Variants in RASSF4 observed in about 807,000 individuals in gnomAD.
The protein encoded by RASSF4 is ras association domain-containing protein 4.
In RASSF4, 38 loss-of-function variants were observed where a neutral mutation model predicts 41.1. That is an observed-to-expected ratio of 0.92 (90% CI 0.71 to 1.21). RASSF4 has a LOEUF of 1.21. Ranked by LOEUF, RASSF4 falls within the 50% of genes most tolerant of loss-of-function variation. RASSF4 has a pLI of 0.00. For synonymous variants in RASSF4, 179 were observed against 163.4 expected (o/e 1.10, Z -0.73); for missense variants, 414 against 419.4 (o/e 0.99, Z 0.11).
chr10:44,986,830 C>T (rs1473572911), intron 6 of RASSF4, among the ~76,000 whole-genome samples: 1 of 152,264 alleles, frequency 6.6e-6, no homozygotes, highest in East Asian at 1.9e-4. Context: ...TTCACTCAGT[C>T]ATTTTCCAAA....
intron 6 of RASSF4, among the ~76,000 whole-genome samples, chr10:44,988,433 T>C (rs1032865310): frequency 1.3e-5 from 2 of 152,170 alleles, no homozygotes; most frequent in African/African-American, 2.4e-5. Flanking sequence ...AAAGGCAAGA[T>C]ACCTGCAAAA....
At chr10:44,976,879 G>A (rs903129783) in intron 3 of RASSF4, 2 of 153,106 alleles carry the variant, frequency 1.3e-5, no homozygotes, top group Non-Finnish European at 2.9e-5. Context: ...GACTCCATGT[G>A]TTCTCTTGGG....
chr10:44,971,521 C>T (rs563652160), intron 2 of RASSF4: 97 of 652,446 alleles, frequency 1.5e-4, no homozygotes, highest in African/African-American at 1.4e-3. Flanking sequence ...ACATCCTGGA[C>T]CAGACGCAGG....
intron 3 of RASSF4, chr10:44,978,501 C>G (rs12359954): frequency 0.024 from 3,687 of 154,236 alleles, 54 homozygotes; most frequent in East Asian, 0.048. Flanking sequence ...CCTCTACAGA[C>G]AGCCCTGGTC....
chr10:44,991,240 C>T (rs751131798), intron 9 of RASSF4, 171 bp downstream of exon 9: 1 of 502,346 alleles, frequency 2.0e-6, no homozygotes, highest in Non-Finnish European at 3.4e-6. Context: ...CTCCCTCTCC[C>T]ATCAGTGACC....
chr10:44,973,654 A>G (rs1841274936), intron 3 of RASSF4, among the ~76,000 whole-genome samples: 1 of 152,198 alleles, frequency 6.6e-6, no homozygotes, highest in Admixed American at 6.5e-5. Context: ...GTGGAAGGTC[A>G]AGTTTGAAAA....
chr10:44,978,199 G>A lies in RASSF4; in HGVS notation c.139-4322G>A, dbSNP rs57320045. ...TCTACAGAGCCCAGACCAGAGCTCC[G>A]ACTGCTGGGATCTTTTCTTCCTGTT... On this transcript the variant is annotated intron_variant, in intron 3 of 10. Transcript: ENST00000340258. 315 of 629,298 alleles carry A rather than the reference G, an allele frequency of 5.0e-4. No homozygotes were observed. The African/African-American group carries it at 5.1e-3, about 10-fold the overall frequency. The allele number at this position is 629,298 out of a possible 1,614,324, so 39.0% of individuals were successfully genotyped here.
chr10:44,984,126 C>G lies in RASSF4; in HGVS notation c.373+13C>G. The stretch of plus-strand genomic sequence containing the variant: ...ACAGACAGCTCGGGTAAGCGGAGCC[C>G]GCAAGCTGCCCAGACCCCTGCCTCA... On this transcript the variant is annotated intron_variant, in intron 5 of 10. Transcript: ENST00000340258. 1.3e-6 allele frequency: 2 copies of G among 1,582,754 alleles called. No individual in the cohort carries two copies. The highest frequency in any genetic ancestry group is 1.7e-6 in the Non-Finnish European group (2 of 1,164,688).
At chr10:44,983,402 T>C (rs952148377) in intron 4 of RASSF4, 6 of 181,912 alleles carry the variant, frequency 3.3e-5, no homozygotes, top group Non-Finnish European at 6.9e-5. Flanking sequence ...TCAGACTCCT[T>C]AGGAAGGCTG....
intron 8 of RASSF4, 74 bp downstream of exon 8, chr10:44,989,795 A>C: frequency 1.5e-6 from 2 of 1,290,522 alleles, no homozygotes; most frequent in East Asian, 2.3e-5. Context: ...CTCCCCACCA[A>C]CCACTGACTG....
intron 4 of RASSF4, chr10:44,982,897 A>C (rs1388498157): frequency 2.9e-6 from 2 of 700,658 alleles, no homozygotes; most frequent in East Asian, 2.8e-5. Context: ...TGTTTCTCAA[A>C]CCTTCCTGCA....
At chr10:44,978,071 A>C in intron 3 of RASSF4, 1 of 1,585,078 alleles carries the variant, frequency 6.3e-7, no homozygotes, top group Non-Finnish European at 8.6e-7. Context: ...GGGAAACAGA[A>C]GCCTGGTGGT....
chr10:44,975,422 C>T (rs1841369639), intron 3 of RASSF4, among the ~76,000 whole-genome samples: 2 of 148,718 alleles, frequency 1.3e-5, no homozygotes, highest in Non-Finnish European at 3.0e-5. Flanking sequence ...TCTTCGCCTC[C>T]CATCCCCACC....
intron 1 of RASSF4, among the ~76,000 whole-genome samples, chr10:44,969,340 AAG>A (rs1280150007): frequency 6.6e-6 from 1 of 151,836 alleles, no homozygotes; most frequent in Non-Finnish European, 1.5e-5. Context: ...TGTGTGTGGA[AAG>A]AGGGAATAGT....
chr10:44,988,608 C>T (rs771861436), intron 6 of RASSF4, among the ~76,000 whole-genome samples: 45 of 152,326 alleles, frequency 3.0e-4, no homozygotes, highest in Middle Eastern at 3.4e-3. Flanking sequence ...TTTAGACCCG[C>T]GCTTTCAAAC....
chr10:44,984,239 T>C, intron 5 of RASSF4, 126 bp downstream of exon 5: 1 of 917,008 alleles, frequency 1.1e-6, no homozygotes, highest in Middle Eastern at 3.4e-4. Context: ...CTTCACCTGC[T>C]GGACCCCTAC....
In RASSF4 at chr10:44,987,167, C is replaced by T. The variant is rs184134717; in HGVS notation, c.532-2107C>T. On this transcript the variant is annotated intron_variant, in intron 6 of 10. Transcript: ENST00000340258. The stretch of plus-strand genomic sequence containing the variant: ...GTAGCCAGGCTGGAGTGCAGTGGCA[C>T]GATCTGGGCTCACTGCAACCTCCAC... Among the ~76,000 whole-genome samples, 507 of 152,266 alleles carry T rather than the reference C, an allele frequency of 3.3e-3. 5 individuals carry two copies. Among genetic ancestry groups the T allele is most frequent in the African/African-American group, 0.011 (475 of 41,548 alleles).
intron 3 of RASSF4, chr10:44,977,584 T>C (rs758927938): frequency 6.2e-7 from 1 of 1,613,420 alleles, no homozygotes; most frequent in Non-Finnish European, 8.5e-7. Flanking sequence ...AGAGCCTCCC[T>C]CTGGGGGCCC....
intron 3 of RASSF4, chr10:44,982,051 C>A: frequency 4.9e-6 from 1 of 204,634 alleles, no homozygotes; most frequent in Non-Finnish European, 1.0e-5. Context: ...GGCTGAGACA[C>A]AGCTAGGACA....
Sources: gnomAD v4.1 joint callset for allele counts (sites outside exome capture counted in the v4.1 genomes callset) on GRCh38, gnomAD v4.1.1 for gene constraint, MANE v1.5 for transcripts, NCBI Gene and HGNC (gene_info 2026-07-23, HGNC 2026-07-21) for gene names.